The following FTO variants were observed in gnomAD, a reference collection of about 807,000 sequenced individuals.
FTO encodes the protein alpha-ketoglutarate-dependent dioxygenase FTO.
A neutral mutation model predicts 63.9 loss-of-function variants in FTO; 47 were observed. The observed-to-expected ratio is 0.74, with a 90% CI of 0.58 to 0.94. The LOEUF (loss-of-function observed/expected upper bound fraction) is 0.94, where lower values mean the gene tolerates loss of function less well. Among genes scored for constraint, FTO ranks in the 40% least tolerant of loss-of-function variants. The probability of loss-of-function intolerance (pLI) is 0.00; values close to 1 mark genes in which losing one functional copy is unlikely to be tolerated. For synonymous variants in FTO, 207 were observed against 224.4 expected, an observed-to-expected ratio of 0.92 and a Z score of 0.69; for missense variants, 562 against 618.1, an observed-to-expected ratio of 0.91 and a Z score of 0.96.
At chr16:53,757,154 G>C (rs1337937996) in intron 1 of FTO, among the ~76,000 whole-genome samples, 1 of 152,066 alleles carries the variant, frequency 6.6e-6, no homozygotes, top group Non-Finnish European at 1.5e-5. Context: ...ATGATATTTT[G>C]ACATGTATAC....
intron 8 of FTO, among the ~76,000 whole-genome samples, chr16:53,967,507 G>A (rs1479857051): frequency 3.9e-5 from 6 of 152,162 alleles, no homozygotes; most frequent in Non-Finnish European, 8.8e-5. Flanking sequence ...TATGTACAGT[G>A]TGTGCACTTG....
At chr16:53,899,579 A>G (rs1455977458) in intron 7 of FTO, among the ~76,000 whole-genome samples, 1 of 152,170 alleles carries the variant, frequency 6.6e-6, no homozygotes, top group African/African-American at 2.4e-5. Flanking sequence ...ATAGCTTTTG[A>G]TGATGGAAGG....
chr16:54,042,243 T>G (rs2085098192), intron 8 of FTO, among the ~76,000 whole-genome samples: 2 of 144,338 alleles, frequency 1.4e-5, no homozygotes, highest in African/African-American at 2.7e-5. Flanking sequence ...CAGGCCAGTG[T>G]GTGTGCGCAC....
At chr16:53,838,074 C>T (rs1214169237) in intron 3 of FTO, among the ~76,000 whole-genome samples, 1 of 152,200 alleles carries the variant, frequency 6.6e-6, no homozygotes, top group Non-Finnish European at 1.5e-5. Flanking sequence ...GTCACACTTT[C>T]CCCTTTTGCC....
intron 1 of FTO, among the ~76,000 whole-genome samples, chr16:53,718,818 G>A (rs1271673378): frequency 6.6e-6 from 1 of 152,012 alleles, no homozygotes; most frequent in African/African-American, 2.4e-5. Context: ...TATTATATAG[G>A]TCTTTTAATA....
At position 54,112,297 on chromosome 16, in the gene FTO, G is replaced by A. The variant is rs2086909264; in HGVS notation, c.*382G>A. On this transcript the variant is annotated 3_prime_UTR_variant, in exon 9 of 9. Coordinates refer to ENST00000471389, the MANE Select transcript of FTO (RefSeq NM_001080432.3). ...GGACCCAGCCCTCTGGGGAAAGACA[G>A]AACTTAGAGACATCCCAGTTACTCA... 3.3e-6 allele frequency: 1 copy of A among 302,716 alleles called. No individual in the cohort carries two copies. 18.8% of individuals were successfully genotyped at this position (302,716 alleles called of 1,614,324 possible).
intron 8 of FTO, among the ~76,000 whole-genome samples, chr16:53,943,454 TCTTAAA>T (rs2082581903): frequency 1.3e-5 from 2 of 152,354 alleles, no homozygotes; most frequent in South Asian, 4.1e-4. Context: ...GGGCAGTGCT[TCTTAAA>T]CTTTTTGAGA....
intron 2 of FTO, among the ~76,000 whole-genome samples, chr16:53,821,057 A>G (rs2078853754): frequency 6.6e-6 from 1 of 152,120 alleles, no homozygotes; most frequent in Non-Finnish European, 1.5e-5. Context: ...TTCCTGGTCT[A>G]TAGGGTTATA....
chr16:54,090,762 G>A (rs1295396486), intron 8 of FTO, among the ~76,000 whole-genome samples: 1 of 152,172 alleles, frequency 6.6e-6, no homozygotes, highest in Non-Finnish European at 1.5e-5. Context: ...GGGTTGACTA[G>A]GGCTCAGCTG....
chr16:53,805,675 C>T (rs1383929170), intron 1 of FTO, among the ~76,000 whole-genome samples: 1 of 152,118 alleles, frequency 6.6e-6, no homozygotes, highest in Non-Finnish European at 1.5e-5. Context: ...GTCTCGAACT[C>T]CTGAGCTCAG....
chr16:54,016,303 A>AC (rs11399936), intron 8 of FTO, among the ~76,000 whole-genome samples: 1 of 149,260 alleles, frequency 6.7e-6, no homozygotes, highest in African/African-American at 2.5e-5. Flanking sequence ...AAAAAAAAAA[A>AC]AAAAAAAAAA....
chr16:53,954,331 G>A (rs1019877360), intron 8 of FTO, among the ~76,000 whole-genome samples: 1 of 151,854 alleles, frequency 6.6e-6, no homozygotes, highest in African/African-American at 2.4e-5. Context: ...CATTTAAAAG[G>A]AGGCAGAACT....
At chr16:53,724,077 C>G (rs2076097850) in intron 1 of FTO, among the ~76,000 whole-genome samples, 1 of 152,154 alleles carries the variant, frequency 6.6e-6, no homozygotes, top group Non-Finnish European at 1.5e-5. Flanking sequence ...GAAAGTAGAA[C>G]CCAGCAGTTG....
intron 1 of FTO, among the ~76,000 whole-genome samples, chr16:53,718,162 T>G (rs2075942654): frequency 6.6e-6 from 1 of 152,164 alleles, no homozygotes; most frequent in Non-Finnish European, 1.5e-5. Flanking sequence ...ATTATCTGTC[T>G]CTACATTTAT....
chr16:54,105,771 CTGTGTGTGTGTGTGTGTGTGTGTG>C, intron 8 of FTO, among the ~76,000 whole-genome samples: 1 of 138,078 alleles, frequency 7.2e-6, no homozygotes, highest in Admixed American at 7.4e-5. Flanking sequence ...AAGTTCTAGT[CTGTGTGTGTGTGTGTGTGTGTGTG>C]TGTGTGTGTG....
intron 4 of FTO, among the ~76,000 whole-genome samples, chr16:53,868,116 T>C (rs1211818248): frequency 6.6e-6 from 1 of 152,166 alleles, no homozygotes; most frequent in Non-Finnish European, 1.5e-5. Flanking sequence ...AGATAGCATA[T>C]GCCTTGTTTT....
At chr16:54,042,379 G>A (rs1450014255) in intron 8 of FTO, among the ~76,000 whole-genome samples, 2 of 103,024 alleles carry the variant, frequency 1.9e-5, no homozygotes, top group African/African-American at 9.0e-5. Context: ...ACTCCCACCC[G>A]AATATTGCGC....
intron 8 of FTO, among the ~76,000 whole-genome samples, chr16:53,964,136 C>A (rs1262170803): frequency 6.6e-6 from 1 of 152,164 alleles, no homozygotes; most frequent in Non-Finnish European, 1.5e-5. Context: ...TGATATGGTC[C>A]TTCCCATGTG....
intron 8 of FTO, among the ~76,000 whole-genome samples, chr16:54,103,149 G>A (rs768796836): frequency 9.2e-5 from 14 of 151,584 alleles, no homozygotes; most frequent in African/African-American, 1.7e-4. Flanking sequence ...ACCCTGTGTC[G>A]AAAAAAGAAA....
Sources: gnomAD v4.1 joint callset for allele counts (sites outside exome capture counted in the v4.1 genomes callset) on GRCh38, gnomAD v4.1.1 for gene constraint, MANE v1.5 for transcripts, NCBI Gene and HGNC (gene_info 2026-07-23, HGNC 2026-07-21) for gene names.